The following TBC1D8B variants were observed in gnomAD, a reference collection of about 807,000 sequenced individuals.
TBC1D8B encodes the protein RP11-321G1.1.
Under a neutral mutation model 82.9 loss-of-function variants are expected in TBC1D8B, and 75 were observed. The ratio of observed to expected loss-of-function variants is 0.90; its 90% CI spans 0.75 to 1.10. The LOEUF (loss-of-function observed/expected upper bound fraction) is 1.10, where lower values mean the gene tolerates loss of function less well. Ranked by LOEUF, TBC1D8B falls within the 50% of genes least tolerant of loss-of-function variation. The pLI is 0.00. For missense variants in TBC1D8B, 794 were observed against 796.9 expected, an observed-to-expected ratio of 1.00 and a Z score of 0.04; for synonymous variants, 276 against 276.8, an observed-to-expected ratio of 1.00 and a Z score of 0.03.
intron 7 of TBC1D8B, among the ~76,000 whole-genome samples, chrX:106,837,910 G>A (rs1407391197): frequency 9.0e-6 from 1 of 111,537 alleles, no homozygotes; most frequent in African/African-American, 3.3e-5. Flanking sequence ...GAGTAGTGCT[G>A]CAAGAAACAT....
At chrX:106,810,088 A>G (rs1931323504) in intron 1 of TBC1D8B, among the ~76,000 whole-genome samples, 2 of 111,732 alleles carry the variant, frequency 1.8e-5, no homozygotes, top group Non-Finnish European at 3.8e-5. Context: ...CAGCTGTCTT[A>G]TAAAGTATGC....
intron 1 of TBC1D8B, among the ~76,000 whole-genome samples, chrX:106,809,796 ATCAC>A (rs1931307523): frequency 1.9e-5 from 2 of 107,851 alleles, no homozygotes; most frequent in African/African-American, 6.8e-5. Flanking sequence ...AGGCAGGAGA[ATCAC>A]TGGAACCCAC....
At chrX:106,866,117 T>C in intron 16 of TBC1D8B, 84 bp downstream of exon 16, 1 of 962,149 alleles carries the variant, frequency 1.0e-6, no homozygotes, top group Non-Finnish European at 1.4e-6. Flanking sequence ...AGTCAGATTA[T>C]ATCACCATGG....
chrX:106,821,285 T>A (rs2147731658), intron 3 of TBC1D8B, among the ~76,000 whole-genome samples: 1 of 111,597 alleles, frequency 9.0e-6, no homozygotes, highest in South Asian at 3.8e-4. Flanking sequence ...TGAGCTGGAT[T>A]TACTTTTTTC....
intron 1 of TBC1D8B, among the ~76,000 whole-genome samples, chrX:106,803,968 C>G (rs1931113235): frequency 1.8e-5 from 2 of 111,681 alleles, no homozygotes; most frequent in African/African-American, 3.3e-5. Context: ...TAGTCCCATC[C>G]TACTCTCTTA....
At chrX:106,860,790 T>C (rs780775592) in intron 14 of TBC1D8B, among the ~76,000 whole-genome samples, 1 of 111,525 alleles carries the variant, frequency 9.0e-6, no homozygotes, top group Non-Finnish European at 1.9e-5. Flanking sequence ...TTGTTCTTGT[T>C]TTCCTAGTTC....
chrX:106,837,694 G>A (rs1932205398), intron 7 of TBC1D8B, among the ~76,000 whole-genome samples: 1 of 111,373 alleles, frequency 9.0e-6, no homozygotes, highest in South Asian at 3.8e-4. Context: ...TCCTTCATAT[G>A]AGTGAGAACA....
intron 12 of TBC1D8B, among the ~76,000 whole-genome samples, chrX:106,852,203 T>C (rs1364226035): frequency 9.8e-6 from 1 of 102,563 alleles, no homozygotes; most frequent in African/African-American, 3.6e-5. Context: ...TTTGGCTGCA[T>C]AAATGTCTTC....
Position 106,840,848 on chromosome X carries a change from T to C in TBC1D8B, c.1683T>C (p.Ala561=). 1 of 1,210,933 alleles carries C rather than the reference T, an allele frequency of 8.3e-7. No individual in the cohort carries two copies. Among genetic ancestry groups the C allele is most frequent in the East Asian group, 3.0e-5 (1 of 33,805 alleles). ...GISALRRVLT[A]YAYRNPKIGY... Reference sequence around the variant, plus strand: ...CTGCTCTGAGAAGGGTACTCACAGCTTATGCATACAGGAATCCCAAAATTG... The same window carrying C: ...CTGCTCTGAGAAGGGTACTCACAGCCTATGCATACAGGAATCCCAAAATTG... The change falls in exon 10 of 21, where the codon GCT becomes GCC. Residue 561 remains alanine, a synonymous_variant. Transcript: ENST00000357242.
Position 106,827,315 on chromosome X carries a change from A to G in TBC1D8B, c.1181A>G (p.Gln394Arg). Residue 394 changes from glutamine to arginine, a missense_variant, in exon 7 of 21, where the codon CAA becomes CGA. By Grantham distance (43) the Gln-to-Arg change is conservative. Transcript: ENST00000357242. ...LRLRCGAASTQYHDISTELAI... is the reference protein window; with the variant it reads ...LRLRCGAASTRYHDISTELAI... ...CTCAGATGCGGAGCAGCTTCAACTC[A>G]ATATCATGATATTAGCACAGAGGTA... 1 of 1,210,876 alleles carries G rather than the reference A, an allele frequency of 8.3e-7. No individual in the cohort carries two copies. The highest frequency in any genetic ancestry group is 1.1e-6 in the Non-Finnish European group (1 of 894,945).
intron 1 of TBC1D8B, among the ~76,000 whole-genome samples, chrX:106,810,331 T>C (rs1931328708): frequency 9.0e-6 from 1 of 111,667 alleles, no homozygotes; most frequent in South Asian, 3.8e-4. Flanking sequence ...AATAATGTGA[T>C]AGTGCAAAAG....
At chrX:106,813,230 A>T (rs1161246880) in intron 1 of TBC1D8B, among the ~76,000 whole-genome samples, 1 of 111,989 alleles carries the variant, frequency 8.9e-6, no homozygotes, top group Non-Finnish European at 1.9e-5. Context: ...TCTAGAATTT[A>T]CTTTAAAATA....
intron 7 of TBC1D8B, among the ~76,000 whole-genome samples, chrX:106,833,404 G>C (rs771540880): frequency 9.0e-6 from 1 of 111,452 alleles, no homozygotes; most frequent in Non-Finnish European, 1.9e-5. Context: ...AATAAATGGA[G>C]AGAAATATAG....
At chrX:106,829,894 C>G in intron 7 of TBC1D8B, 1 of 110,970 alleles carries the variant, frequency 9.0e-6, no homozygotes, top group Non-Finnish European at 1.9e-5. Flanking sequence ...GCAAGGACTT[C>G]ATGTCTAAAA....
intron 7 of TBC1D8B, among the ~76,000 whole-genome samples, chrX:106,830,546 A>G (rs1003029347): frequency 3.6e-5 from 4 of 111,196 alleles, no homozygotes; most frequent in African/African-American, 1.3e-4. Context: ...GAACCAAGCC[A>G]AATGTCCAAC....
intron 3 of TBC1D8B, among the ~76,000 whole-genome samples, chrX:106,821,490 T>A (rs1409737039): frequency 9.0e-6 from 1 of 111,069 alleles, no homozygotes; most frequent in Non-Finnish European, 1.9e-5. Context: ...AAAATTTGCT[T>A]ACCTCTGTCC....
intron 3 of TBC1D8B, among the ~76,000 whole-genome samples, chrX:106,821,672 C>T (rs1156642130): frequency 1.8e-5 from 2 of 111,867 alleles, no homozygotes; most frequent in Non-Finnish European, 3.8e-5. Flanking sequence ...AACCTATGCA[C>T]ATCTGCCTAT....
chrX:106,831,037 C>T (rs1295549014), intron 7 of TBC1D8B, among the ~76,000 whole-genome samples: 2 of 110,548 alleles, frequency 1.8e-5, no homozygotes, highest in African/African-American at 3.3e-5. Flanking sequence ...CATGGAAATG[C>T]AGACAGGTCA....
chrX:106,846,292 G>A (rs6622114), intron 10 of TBC1D8B, among the ~76,000 whole-genome samples: 2 of 106,015 alleles, frequency 1.9e-5, no homozygotes, highest in African/African-American at 6.9e-5. Flanking sequence ...ATTTTTAGTA[G>A]ATACTGGGTT....
Sources: allele counts gnomAD v4.1 joint callset (sites outside exome capture counted in the v4.1 genomes callset), GRCh38; gene constraint gnomAD v4.1.1; transcripts MANE v1.5; gene names NCBI Gene and HGNC (gene_info 2026-07-23, HGNC 2026-07-21).